The following DACH1 variants were observed in gnomAD, a reference collection of about 807,000 sequenced individuals.
DACH1 encodes dachshund family transcription factor 1.
Under a neutral mutation model 54.2 loss-of-function variants are expected in DACH1, and 12 were observed. The observed-to-expected ratio is 0.22, with a 90% CI of 0.14 to 0.36. The LOEUF is 0.36. DACH1 is among the 10% of genes least tolerant of loss of function. The pLI, the probability that DACH1 is intolerant of heterozygous loss-of-function variation, is 1.00. For missense variants in DACH1, 805 were observed against 929.8 expected (o/e 0.87, Z 1.75); for synonymous variants, 386 against 366.2 (o/e 1.05, Z -0.62).
At chr13:71,703,429 C>G (rs1052624165) in intron 1 of DACH1, among the ~76,000 whole-genome samples, 1 of 152,100 alleles carries the variant, frequency 6.6e-6, no homozygotes, top group African/African-American at 2.4e-5. Context: ...GTCAGCAGAC[C>G]ATAGCAGAGC....
intron 6 of DACH1, among the ~76,000 whole-genome samples, chr13:71,553,905 A>G (rs1179309344): frequency 6.6e-6 from 1 of 151,842 alleles, no homozygotes; most frequent in Admixed American, 6.6e-5. Context: ...TTCTCAGAAT[A>G]CAAATAAATT....
At chr13:71,688,896 GTGGAAGAACTTGA>G (rs1276248189) in intron 1 of DACH1, among the ~76,000 whole-genome samples, 1 of 152,166 alleles carries the variant, frequency 6.6e-6, no homozygotes, top group Non-Finnish European at 1.5e-5. Flanking sequence ...TGTATGTTTT[GTGGAAGAACTTGA>G]CAGATTCCTG....
Position 71,559,926 on chromosome 13 carries a change from G to C in DACH1, c.1329C>G (p.Ala443=). The change falls in exon 5 of 11, where the codon GCC becomes GCG. Residue 443 remains alanine, a synonymous_variant. Coordinates refer to ENST00000613252, the MANE Select transcript of DACH1 (RefSeq NM_080759.6). ...KERVPDSPSP[A]PSLEEGRRPG... is the part of the protein sequence containing the mutation. ...GCCTTCTCCCCTCCTCCAGAGAGGG[G>C]GCAGGTGAGGGGCTATCAGGAACAC... 1 of 1,601,032 alleles carries C rather than the reference G, an allele frequency of 6.2e-7. No individual in the cohort carries two copies. The highest frequency in any genetic ancestry group is 1.3e-5 in the African/African-American group (1 of 74,510).
intron 2 of DACH1, among the ~76,000 whole-genome samples, chr13:71,658,796 G>T (rs986155983): frequency 6.6e-6 from 1 of 152,236 alleles, no homozygotes; most frequent in African/African-American, 2.4e-5. Context: ...TACCAAAAAT[G>T]TGTACATAGT....
At chr13:71,460,424 T>C (rs1454768689) in intron 10 of DACH1, among the ~76,000 whole-genome samples, 1 of 152,080 alleles carries the variant, frequency 6.6e-6, no homozygotes, top group East Asian at 1.9e-4. Context: ...GAAACTAAGC[T>C]AAATACTATT....
chr13:71,676,071 A>C (rs1467696202), intron 2 of DACH1, among the ~76,000 whole-genome samples: 1 of 152,226 alleles, frequency 6.6e-6, no homozygotes, highest in Non-Finnish European at 1.5e-5. Context: ...TAAGGCATAC[A>C]GTAGATTGTT....
At chr13:71,704,617 G>A in intron 1 of DACH1, 1 of 430,862 alleles carries the variant, frequency 2.3e-6, no homozygotes, top group South Asian at 2.1e-5. Context: ...CAGGGAGCCT[G>A]AGCTGCTGGA....
chr13:71,582,549 T>C (rs921721872), intron 3 of DACH1, among the ~76,000 whole-genome samples: 2 of 152,152 alleles, frequency 1.3e-5, no homozygotes, highest in Admixed American at 6.5e-5. Context: ...AGTTAGGATA[T>C]CCAGTAATTA....
At chr13:71,553,612 G>T (rs1884043227) in intron 6 of DACH1, among the ~76,000 whole-genome samples, 2 of 135,266 alleles carry the variant, frequency 1.5e-5, no homozygotes, top group African/African-American at 5.3e-5. Flanking sequence ...ATTTTATATT[G>T]TTATATATAT....
intron 10 of DACH1, among the ~76,000 whole-genome samples, chr13:71,472,945 CA>C (rs1486852581): frequency 6.6e-6 from 1 of 152,100 alleles, no homozygotes; most frequent in Non-Finnish European, 1.5e-5. Context: ...AAAAAAATTT[CA>C]AAGGGCTAAT....
At chr13:71,599,853 ACG>A (rs1555300231) in intron 3 of DACH1, among the ~76,000 whole-genome samples, 6 of 151,070 alleles carry the variant, frequency 4.0e-5, no homozygotes, top group Admixed American at 2.6e-4. Flanking sequence ...ACACACACAC[ACG>A]CACACACATA....
At position 71,815,841 on chromosome 13, in the gene DACH1, T is replaced by G. The variant is rs561636857; in HGVS notation, c.848+50081A>C. ...TGGCTCACGCCTGTAATCCCAGCAC[T>G]TTGGGAGGCCGAGGCGGGCGGATCA... On this transcript the variant is annotated intron_variant, in intron 1 of 10. Transcript: ENST00000613252. Among the ~76,000 whole-genome samples the G allele has an allele frequency of 2.0e-5, 3 of 152,170 alleles. No individual in the cohort carries two copies. In the East Asian group the frequency reaches 5.8e-4, roughly 30 times the overall value.
chr13:71,503,238 T>C (rs1043629387), intron 6 of DACH1, among the ~76,000 whole-genome samples: 1 of 152,234 alleles, frequency 6.6e-6, no homozygotes, highest in Non-Finnish European at 1.5e-5. Context: ...GGTTTATTTC[T>C]GTCTGTTTGT....
intron 1 of DACH1, among the ~76,000 whole-genome samples, chr13:71,767,160 T>C (rs186012549): frequency 6.6e-6 from 1 of 152,040 alleles, no homozygotes; most frequent in African/African-American, 2.4e-5. Context: ...TGTTTATCAA[T>C]AAATTAAGTT....
chr13:71,489,233 C>T (rs1593775974), intron 6 of DACH1, 85 bp from the exon 7 acceptor site: 3 of 1,421,570 alleles, frequency 2.1e-6, no homozygotes, highest in Middle Eastern at 1.9e-4. Context: ...CTAGTGGTTT[C>T]CAGAACATTT....
At chr13:71,766,291 A>C (rs1172439507) in intron 1 of DACH1, among the ~76,000 whole-genome samples, 1 of 152,106 alleles carries the variant, frequency 6.6e-6, no homozygotes, top group East Asian at 1.9e-4. Flanking sequence ...GCCTTTAAGT[A>C]CCTTAGAATC....
intron 1 of DACH1, among the ~76,000 whole-genome samples, chr13:71,863,422 T>C (rs1305329358): frequency 6.6e-6 from 1 of 152,114 alleles, no homozygotes; most frequent in Non-Finnish European, 1.5e-5. Flanking sequence ...TCAACAAACT[T>C]CCCGCCTTTA....
chr13:71,514,340 T>C (rs1341781477), intron 6 of DACH1, among the ~76,000 whole-genome samples: 1 of 151,920 alleles, frequency 6.6e-6, no homozygotes, highest in African/African-American at 2.4e-5. Context: ...TTTGCAACTA[T>C]AGGCTAAACT....
intron 1 of DACH1, among the ~76,000 whole-genome samples, chr13:71,778,975 A>T (rs1161829347): frequency 6.6e-6 from 1 of 151,668 alleles, no homozygotes. Context: ...CTTTTTCAGC[A>T]AGATTTGAAT....
Sources: allele counts gnomAD v4.1 joint callset (sites outside exome capture counted in the v4.1 genomes callset), GRCh38; gene constraint gnomAD v4.1.1; transcripts MANE v1.5; gene names NCBI Gene and HGNC (gene_info 2026-07-23, HGNC 2026-07-21).